HLCS: variants seen among roughly 807,000 people sequenced by gnomAD.
HLCS encodes the protein holocarboxylase synthetase, also known as biotin--protein ligase.
Under a neutral mutation model 75.0 loss-of-function variants are expected in HLCS, and 53 were observed. The ratio of observed to expected loss-of-function variants is 0.71; its 90% CI spans 0.57 to 0.89. HLCS has a LOEUF of 0.89. HLCS is among the 40% of genes least tolerant of loss of function. The probability of loss-of-function intolerance (pLI) is 0.00; values close to 1 mark genes in which losing one functional copy is unlikely to be tolerated. For missense variants in HLCS, 966 were observed against 1,074.0 expected, an observed-to-expected ratio of 0.90 and a Z score of 1.41; for synonymous variants, 431 against 428.6, an observed-to-expected ratio of 1.01 and a Z score of -0.07.
At chr21:36,785,470 C>T (rs2060659475) in intron 6 of HLCS, among the ~76,000 whole-genome samples, 1 of 151,822 alleles carries the variant, frequency 6.6e-6, no homozygotes, top group Admixed American at 6.6e-5. Context: ...CCTGTGGGGG[C>T]TGACCCCTTG....
chr21:36,896,451 C>A, intron 6 of HLCS: 1 of 270,678 alleles, frequency 3.7e-6, no homozygotes, highest in Non-Finnish European at 7.1e-6. Flanking sequence ...GCTTAGGTGT[C>A]ATTCAAACTT....
At chr21:36,976,410 G>A (rs1359113010) in intron 1 of HLCS, among the ~76,000 whole-genome samples, 6 of 114,640 alleles carry the variant, frequency 5.2e-5, no homozygotes, top group East Asian at 6.2e-4. Context: ...ACACACACAC[G>A]CATACACACA....
Position 36,754,133 on chromosome 21 carries a change from GA to G in HLCS, c.*112del, listed in dbSNP as rs1568955383. ...AAAAACAAACAGAAACACAGAAAAA[GA>G]ACAAAGACTTAACAAATGAATTGGA... On this transcript the variant is annotated 3_prime_UTR_variant, in exon 11 of 11. Coordinates refer to ENST00000674895, the MANE Select transcript of HLCS (RefSeq NM_001352514.2). The G allele has an allele frequency of 5.2e-6, 6 of 1,144,534 alleles. No individual in the cohort carries two copies. The highest frequency in any genetic ancestry group is 6.3e-6 in the Non-Finnish European group (5 of 788,472). The allele number at this position is 1,144,534 out of a possible 1,614,324, so 70.9% of individuals were successfully genotyped here.
intron 1 of HLCS, among the ~76,000 whole-genome samples, chr21:36,989,757 C>A (rs1369079846): frequency 6.6e-6 from 1 of 152,180 alleles, no homozygotes; most frequent in Non-Finnish European, 1.5e-5. Flanking sequence ...GCGAGTAGGC[C>A]CTGCGGCTCT....
chr21:36,898,651 T>C (rs2065114249), intron 5 of HLCS, among the ~76,000 whole-genome samples: 1 of 152,062 alleles, frequency 6.6e-6, no homozygotes, highest in African/African-American at 2.4e-5. Context: ...GGGTGGTTCT[T>C]TATTGGATCC....
At position 36,936,790 on chromosome 21, in the gene HLCS, T is replaced by C; in HGVS notation, c.1096A>G (p.Ile366Val). Residue 366 changes from isoleucine (I) to valine (V), a missense_variant, in exon 4 of 11, where the codon ATT (isoleucine) becomes GTT (valine). Coordinates refer to ENST00000674895, the MANE Select transcript of HLCS (RefSeq NM_001352514.2). Reference protein sequence around the residue: ...PWTDNCLLLVIATRESIPEDL... With the variant: ...PWTDNCLLLVVATRESIPEDL... ...TCGGGAATGGACTCCCTGGTAGCAA[T>C]GACCAACAGCAGACAGTTGTCCGTC... The C allele has an allele frequency of 1.2e-6, 2 of 1,614,172 alleles. No individual in the cohort carries two copies. The highest frequency in any genetic ancestry group is 1.6e-4 in the Middle Eastern group (1 of 6,062).
At chr21:36,904,109 A>T (rs898107711) in intron 5 of HLCS, among the ~76,000 whole-genome samples, 1 of 152,216 alleles carries the variant, frequency 6.6e-6, no homozygotes, top group African/African-American at 2.4e-5. Flanking sequence ...TAAATTGCCC[A>T]ATCTCAGGTA....
chr21:36,878,717 T>A (rs2835522), intron 6 of HLCS, among the ~76,000 whole-genome samples: 54,915 of 152,024 alleles, frequency 0.36, 13,577 homozygotes, highest in African/African-American at 0.7. Context: ...TTAAGAGAAT[T>A]GTCAAGAGTT....
chr21:36,750,374 C>T lies in HLCS; in HGVS notation c.*3872G>A, dbSNP rs771093836. Among the ~76,000 whole-genome samples the T allele has an allele frequency of 1.8e-4, 28 of 152,322 alleles. No homozygotes were observed. Among genetic ancestry groups the T allele is most frequent in the Middle Eastern group, 6.8e-3 (2 of 294 alleles). On this transcript the variant is annotated 3_prime_UTR_variant, in exon 11 of 11. Coordinates refer to ENST00000674895, the MANE Select transcript of HLCS (RefSeq NM_001352514.2). Reference sequence around the variant, plus strand: ...GGAATTCCTTTATGTTCTTGGAAGCCCTTTTCTAGAAAAGCCATTCCATTC... The same window carrying T: ...GGAATTCCTTTATGTTCTTGGAAGCTCTTTTCTAGAAAAGCCATTCCATTC...
intron 6 of HLCS, among the ~76,000 whole-genome samples, chr21:36,868,295 A>AAAGAAAGAAAGAAAG (rs1569122668): frequency 4.8e-5 from 5 of 103,744 alleles, no homozygotes; most frequent in African/African-American, 1.9e-4. Context: ...AAGAAAGAAA[A>AAAGAAAGAAAGAAAG]AGAAAAACAG....
intron 6 of HLCS, among the ~76,000 whole-genome samples, chr21:36,789,909 C>T (rs955398557): frequency 5.3e-5 from 8 of 152,098 alleles, no homozygotes; most frequent in Non-Finnish European, 8.8e-5. Context: ...TATGAACTTT[C>T]CGATGTATCT....
At chr21:36,922,320 C>T (rs1026249977) in intron 5 of HLCS, among the ~76,000 whole-genome samples, 8 of 152,066 alleles carry the variant, frequency 5.3e-5, no homozygotes, top group African/African-American at 1.2e-4. Flanking sequence ...GTGTATGTTA[C>T]GGAACAGAAA....
At chr21:36,849,132 G>A (rs950469592) in intron 6 of HLCS, among the ~76,000 whole-genome samples, 3 of 152,146 alleles carry the variant, frequency 2.0e-5, no homozygotes, top group Non-Finnish European at 1.5e-5. Flanking sequence ...TTCCATTTAA[G>A]CTATGTTATT....
At chr21:36,833,128 C>G (rs975621611) in intron 6 of HLCS, among the ~76,000 whole-genome samples, 3 of 152,010 alleles carry the variant, frequency 2.0e-5, no homozygotes, top group African/African-American at 7.2e-5. Context: ...TCAAGTGATC[C>G]TCCCAGCTCA....
intron 6 of HLCS, among the ~76,000 whole-genome samples, chr21:36,868,396 A>C (rs1223140749): frequency 6.6e-6 from 1 of 152,128 alleles, no homozygotes; most frequent in African/African-American, 2.4e-5. Context: ...GAATGAGAGA[A>C]AGGAAGGGCA....
chr21:36,888,439 AAAAAAAATATATATATATATATATAT>A (rs1397925005), intron 6 of HLCS, among the ~76,000 whole-genome samples: 9 of 32,212 alleles, frequency 2.8e-4, no homozygotes, highest in Admixed American at 1.5e-3. Context: ...ATTTAAAAAA[AAAAAAAATATATATATATATATATAT>A]ATATATATAT....
intron 6 of HLCS, 41 bp from the exon 7 acceptor site, chr21:36,767,326 C>T (rs1452664429): frequency 6.3e-7 from 1 of 1,591,604 alleles, no homozygotes; most frequent in Non-Finnish European, 8.6e-7. Flanking sequence ...CAGACATGGA[C>T]ACGCCCGCGG....
In HLCS at chr21:36,884,492, T is replaced by A. The variant is rs77826893; in HGVS notation, c.1892+12368A>T. 6.8e-3 allele frequency among the ~76,000 whole-genome samples: 1,042 copies of A among 152,332 alleles called. 14 individuals carry two copies. Among genetic ancestry groups the A allele is most frequent in the African/African-American group, 0.023 (965 of 41,570 alleles). On this transcript the variant is annotated intron_variant, in intron 6 of 10. Coordinates refer to ENST00000674895, the MANE Select transcript of HLCS (RefSeq NM_001352514.2). Reference sequence around the variant, plus strand: ...TCCAAGGTCATGTCTTTGGCCCTTCTGCTAAAGAATAACTCCTTTACAATC... The same window carrying A: ...TCCAAGGTCATGTCTTTGGCCCTTCAGCTAAAGAATAACTCCTTTACAATC...
At chr21:36,888,411 C>T (rs578039102) in intron 6 of HLCS, among the ~76,000 whole-genome samples, 4 of 129,360 alleles carry the variant, frequency 3.1e-5, no homozygotes, top group African/African-American at 1.2e-4. Flanking sequence ...CTCCCCAATG[C>T]GATCCTGCCC....
Sources: gnomAD v4.1 joint callset for allele counts (sites outside exome capture counted in the v4.1 genomes callset) on GRCh38, gnomAD v4.1.1 for gene constraint, MANE v1.5 for transcripts, NCBI Gene and HGNC (gene_info 2026-07-23, HGNC 2026-07-21) for gene names.